MYO1H: variants seen among roughly 807,000 people sequenced by gnomAD.
The protein encoded by MYO1H is unconventional myosin-Ih.
In MYO1H, 118 loss-of-function variants were observed where a neutral mutation model predicts 149.3. The ratio of observed to expected loss-of-function variants is 0.79; its 90% CI spans 0.68 to 0.92. MYO1H has a LOEUF of 0.92. Among genes scored for constraint, MYO1H ranks in the 40% least tolerant of loss-of-function variants. MYO1H has a pLI of 0.00. For missense variants in MYO1H, 1,212 were observed against 1,280.7 expected, an observed-to-expected ratio of 0.95 and a Z score of 0.82; for synonymous variants, 447 against 465.2, an observed-to-expected ratio of 0.96 and a Z score of 0.50.
intron 15 of MYO1H, among the ~76,000 whole-genome samples, chr12:109,418,393 G>T (rs1871020504): frequency 6.6e-6 from 1 of 151,560 alleles, no homozygotes; most frequent in Admixed American, 6.6e-5. Flanking sequence ...TCATTACCCA[G>T]GCTAAAGTGC....
At chr12:109,404,923 A>T (rs2137054827) in intron 7 of MYO1H, among the ~76,000 whole-genome samples, 1 of 149,714 alleles carries the variant, frequency 6.7e-6, no homozygotes, top group South Asian at 2.1e-4. Context: ...AAACAGCTGT[A>T]TTTGAAGCCA....
chr12:109,339,000 T>C, the MYO1H span, among the ~76,000 whole-genome samples: 4 of 152,170 alleles, frequency 2.6e-5, no homozygotes, highest in African/African-American at 9.6e-5. Flanking sequence ...CATAAGAGAA[T>C]AGTTTGTTCA....
chr12:109,338,745 GACA>G, the MYO1H span, among the ~76,000 whole-genome samples: 2 of 125,536 alleles, frequency 1.6e-5, no homozygotes, highest in East Asian at 2.4e-4. Context: ...CAGCCTGGGT[GACA>G]GAGCAAGACT....
At chr12:109,406,929 G>C in intron 9 of MYO1H, 69 bp downstream of exon 9, 1 of 1,448,166 alleles carries the variant, frequency 6.9e-7, no homozygotes, top group Non-Finnish European at 9.7e-7. Context: ...ATAACAGCAG[G>C]GTGGTGGCCT....
rs930108599 is a variant in MYO1H at position 109,352,243 on chromosome 12, G to A, written c.12+4271G>A. Among the ~76,000 whole-genome samples the A allele has an allele frequency of 5.9e-5, 9 of 152,120 alleles. 1 individual carries two copies. The highest frequency in any genetic ancestry group is 1.5e-5 in the Non-Finnish European group (1 of 68,020). ...TAGAAAGGATCTTTTAAACGGTATA[G>A]GAAATTGTAAGAAAATGACAATGAT... On this transcript the variant is annotated intron_variant, in intron 1 of 31. Transcript: ENST00000310903.
At chr12:109,401,465 G>A (rs936079713) in intron 6 of MYO1H, 193 bp downstream of exon 6, 2 of 551,528 alleles carry the variant, frequency 3.6e-6, no homozygotes, top group Non-Finnish European at 6.1e-6. Flanking sequence ...TATCACCTTG[G>A]TAAAGTAACC....
chr12:109,357,625 T>C (rs1868637653), intron 1 of MYO1H, among the ~76,000 whole-genome samples: 1 of 152,162 alleles, frequency 6.6e-6, no homozygotes, highest in African/African-American at 2.4e-5. Context: ...AATTTTCTCA[T>C]GCCATGAAAT....
At chr12:109,403,587 T>C (rs1319009153) in intron 6 of MYO1H, among the ~76,000 whole-genome samples, 2 of 152,238 alleles carry the variant, frequency 1.3e-5, no homozygotes, top group African/African-American at 4.8e-5. Flanking sequence ...GAAATTTTTG[T>C]TGGCAATCTC....
intron 16 of MYO1H, among the ~76,000 whole-genome samples, chr12:109,422,635 C>T (rs565255937): frequency 1.8e-4 from 27 of 152,310 alleles, no homozygotes; most frequent in Non-Finnish European, 1.9e-4. Context: ...TCTCCCTTCA[C>T]CCACCAGGGC....
intron 12 of MYO1H, among the ~76,000 whole-genome samples, 154 bp from the exon 13 acceptor site, chr12:109,410,534 G>C (rs1307436713): frequency 6.6e-6 from 1 of 151,998 alleles, no homozygotes; most frequent in East Asian, 1.9e-4. Context: ...TTATTTCCTG[G>C]GAAATTATTT....
intron 1 of MYO1H, among the ~76,000 whole-genome samples, chr12:109,366,978 C>T (rs1308378831): frequency 6.6e-6 from 1 of 152,160 alleles, no homozygotes; most frequent in African/African-American, 2.4e-5. Flanking sequence ...AACCAGCAAG[C>T]ATAATGCAAA....
the MYO1H span, among the ~76,000 whole-genome samples, chr12:109,318,319 T>G: frequency 6.6e-6 from 1 of 152,202 alleles, no homozygotes; most frequent in Non-Finnish European, 1.5e-5. Context: ...TAAATATTCC[T>G]TATAAATGTA....
Position 109,427,582 on chromosome 12 carries a change from C to T in MYO1H, c.1945C>T (p.Gln649Ter), listed in dbSNP as rs754158430. ...CCGAAGGAAATACGAGCATTTCTTG[C>T]AAAGGTAAAATGTGCTTTATTGATC... The change falls in exon 19 of 32, where the codon CAA (glutamine) becomes TAA (stop). Residue 649 changes from glutamine to a stop codon, truncating the protein, a stop_gained. Transcript: ENST00000310903. LOFTEE classifies it high-confidence loss of function. 5 of 1,605,790 alleles carry T rather than the reference C, an allele frequency of 3.1e-6. No individual in the cohort carries two copies. In the Admixed American group the frequency reaches 8.3e-5, roughly 27 times the overall value.
At chr12:109,445,720 A>G in intron 31 of MYO1H, 108 bp downstream of exon 31, 4 of 1,428,870 alleles carry the variant, frequency 2.8e-6, no homozygotes, top group Non-Finnish European at 3.6e-6. Flanking sequence ...AGCTATTAAT[A>G]GTTCATTTCT....
intron 2 of MYO1H, among the ~76,000 whole-genome samples, chr12:109,392,261 C>T (rs537895701): frequency 3.7e-4 from 56 of 152,344 alleles, no homozygotes; most frequent in Admixed American, 1.5e-3. Context: ...TCTTCGACAT[C>T]CTCTCTTGCT....
At chr12:109,411,952 A>G in exon 14 of MYO1H, 1 of 1,605,158 alleles carries the variant, frequency 6.2e-7, no homozygotes, top group Non-Finnish European at 8.5e-7. Flanking sequence ...GAGAAATTGG[A>G]AGAGAAAGTG....
At chr12:109,316,700 C>T in the MYO1H span, among the ~76,000 whole-genome samples, 4 of 152,116 alleles carry the variant, frequency 2.6e-5, no homozygotes, top group African/African-American at 9.7e-5. Flanking sequence ...TAGGAACAAT[C>T]GCTGATTACA....
At chr12:109,333,926 AGTTT>A in the MYO1H span, among the ~76,000 whole-genome samples, 310 of 151,924 alleles carry the variant, frequency 2.0e-3, 1 homozygote, top group Admixed American at 3.2e-3. Context: ...TTATTTAGTT[AGTTT>A]GTTTATTTTA....
At chr12:109,367,612 CA>C (rs1868892165) in intron 1 of MYO1H, among the ~76,000 whole-genome samples, 1 of 152,032 alleles carries the variant, frequency 6.6e-6, no homozygotes, top group Non-Finnish European at 1.5e-5. Flanking sequence ...AGTACAATGA[CA>C]CTATCTCGGC....
Sources: allele counts gnomAD v4.1 joint callset (sites outside exome capture counted in the v4.1 genomes callset), GRCh38; gene constraint gnomAD v4.1.1; transcripts MANE v1.5; gene names NCBI Gene and HGNC (gene_info 2026-07-23, HGNC 2026-07-21).